Variants in NFIC observed in about 807,000 individuals in gnomAD.
The protein encoded by NFIC is nuclear factor 1 C-type.
NFIC carries 12 observed loss-of-function variants against 54.4 expected under a neutral mutation model. The observed-to-expected ratio is 0.22, with a 90% CI of 0.14 to 0.36. The LOEUF (loss-of-function observed/expected upper bound fraction) is 0.36. NFIC is among the 10% of genes least tolerant of loss of function. The pLI, the probability that NFIC is intolerant of heterozygous loss-of-function variation, is 1.00. For missense variants in NFIC, 575 were observed against 718.2 expected, an observed-to-expected ratio of 0.80 and a Z score of 2.28; for synonymous variants, 322 against 319.2, an observed-to-expected ratio of 1.01 and a Z score of -0.09.
Position 3,463,589 on chromosome 19 carries a change from GGGA to G in NFIC, c.*825_*827del, listed in dbSNP as rs1485275212. ...TTTCAGCCCTCGCGCCCGCCCGTTT[GGGA>G]GGAGAAGTCTCTATGCAATTGGCCC... On this transcript the variant is annotated 3_prime_UTR_variant, in exon 11 of 11. Coordinates refer to ENST00000443272, the MANE Select transcript of NFIC (RefSeq NM_001245002.2). 1.1e-5 allele frequency: 11 copies of G among 985,094 alleles called. No individual in the cohort carries two copies. The highest frequency in any genetic ancestry group is 4.7e-5 in the South Asian group (1 of 21,282). The allele number at this position is 985,094 out of a possible 1,614,324, so 61.0% of individuals were successfully genotyped here. A position where few individuals can be genotyped will look rare whatever the true frequency, so the allele number is the denominator to read the frequency against.
chr19:3,414,090 G>A (rs12975319), intron 2 of NFIC, among the ~76,000 whole-genome samples: 46,091 of 151,882 alleles, frequency 0.3, 7,164 homozygotes, highest in East Asian at 0.48. Context: ...AGTGATCAAA[G>A]GAAAGAACTA....
intron 2 of NFIC, among the ~76,000 whole-genome samples, chr19:3,424,022 ATTTAT>A (rs1207711295): frequency 1.3e-5 from 2 of 151,936 alleles, no homozygotes; most frequent in African/African-American, 4.8e-5. Flanking sequence ...ATTTTGTTTT[ATTTAT>A]TTTATTTTAT....
At position 3,464,168 on chromosome 19, in the gene NFIC, A is replaced by T. The variant is rs531992815; in HGVS notation, c.*1399A>T. On this transcript the variant is annotated 3_prime_UTR_variant, in exon 11 of 11. Coordinates refer to ENST00000443272, the MANE Select transcript of NFIC (RefSeq NM_001245002.2). ...AAGGGGGACCGCCGTTTGCACTTTC[A>T]TCGCCTACCCCGACGCGGGGCCCAG... 1 of 984,024 alleles carries T rather than the reference A, an allele frequency of 1.0e-6. No individual in the cohort carries two copies. The highest frequency in any genetic ancestry group is 4.7e-5 in the South Asian group (1 of 21,270). 61.0% of individuals were successfully genotyped at this position (984,024 alleles called of 1,614,324 possible).
intron 6 of NFIC, among the ~76,000 whole-genome samples, chr19:3,440,451 G>A (rs1257048561): frequency 6.7e-6 from 1 of 150,040 alleles, no homozygotes; most frequent in Non-Finnish European, 1.5e-5. Flanking sequence ...TTTTTGAGAC[G>A]GAATCTCTCT....
At chr19:3,451,757 G>A (rs1220171181) in intron 7 of NFIC, among the ~76,000 whole-genome samples, 3 of 151,060 alleles carry the variant, frequency 2.0e-5, no homozygotes, top group Non-Finnish European at 2.9e-5. Flanking sequence ...ATCTGATGCC[G>A]TGTGGCCCCA....
At chr19:3,367,893 A>AC (rs1047275486) in intron 1 of NFIC, among the ~76,000 whole-genome samples, 1 of 150,874 alleles carries the variant, frequency 6.6e-6, no homozygotes, top group Non-Finnish European at 1.5e-5. Context: ...GCAGTGAGGG[A>AC]CCCCCCACGC....
intron 2 of NFIC, among the ~76,000 whole-genome samples, chr19:3,409,380 C>T (rs936991052): frequency 6.6e-6 from 1 of 152,212 alleles, no homozygotes; most frequent in African/African-American, 2.4e-5. Context: ...CAACGCCGCC[C>T]CCAAAGCCAT....
At chr19:3,417,612 T>C (rs2081882168) in intron 2 of NFIC, among the ~76,000 whole-genome samples, 1 of 149,422 alleles carries the variant, frequency 6.7e-6, no homozygotes. Context: ...TATCTGTGCC[T>C]CTTTTTCTTT....
upstream of NFIC, chr19:3,366,535 G>GA (rs1491403133): frequency 1.4e-4 from 14 of 100,068 alleles, no homozygotes; most frequent in South Asian, 8.6e-4. Flanking sequence ...GCCGCGGGGC[G>GA]GGGGGGGGGG....
rs1412721895 is a variant in NFIC, at chr19:3,463,338, G to A, written c.*569G>A. 6.1e-6 allele frequency: 6 copies of A among 986,628 alleles called. No homozygotes were observed. Among genetic ancestry groups the A allele is most frequent in the African/African-American group, 3.5e-5 (2 of 57,228 alleles). 61.1% of individuals were successfully genotyped at this position (986,628 alleles called of 1,614,324 possible). On this transcript the variant is annotated 3_prime_UTR_variant, in exon 11 of 11. Coordinates refer to ENST00000443272, the MANE Select transcript of NFIC (RefSeq NM_001245002.2). Reference sequence around the variant, plus strand: ...CCACCGAGGACGCAGCCACTGGGGGGAAAGGGAGACACAGCGGACCCCGGC... The same window carrying A: ...CCACCGAGGACGCAGCCACTGGGGGAAAAGGGAGACACAGCGGACCCCGGC...
chr19:3,438,748 G>T (rs2145643694), intron 6 of NFIC, among the ~76,000 whole-genome samples: 1 of 152,230 alleles, frequency 6.6e-6, no homozygotes, highest in Non-Finnish European at 1.5e-5. Flanking sequence ...CCTCCTGAGG[G>T]TTTCATCCTC....
In NFIC at chr19:3,375,592, G is replaced by A. The variant is rs2145451370; in HGVS notation, c.31-6120G>A. Among the ~76,000 whole-genome samples, 1 of 152,342 alleles carries A rather than the reference G, an allele frequency of 6.6e-6. No homozygotes were observed. Among genetic ancestry groups the A allele is most frequent in the South Asian group, 2.1e-4 (1 of 4,828 alleles). ...CGGGGGCAGCGGAAAAGGGCCCTGA[G>A]GTCCGGTCCCCGCCGCAGCTGTTAC... On this transcript the variant is annotated intron_variant, in intron 1 of 10. Transcript: ENST00000443272. This position sits in a 1 kb window ranked among gnomAD's most constrained non-coding sequence, Gnocchi z 4.6.
At chr19:3,396,213 T>C (rs1374628502) in intron 2 of NFIC, among the ~76,000 whole-genome samples, 1 of 152,156 alleles carries the variant, frequency 6.6e-6, no homozygotes, top group Non-Finnish European at 1.5e-5. Context: ...GGCTCACGCC[T>C]ATAATCCCAG....
At chr19:3,390,232 C>A (rs2081356967) in intron 2 of NFIC, among the ~76,000 whole-genome samples, 1 of 152,246 alleles carries the variant, frequency 6.6e-6, no homozygotes. Flanking sequence ...CCTGTTATCC[C>A]CCAGGGCTGG....
chr19:3,412,048 A>G (rs538748238), intron 2 of NFIC, among the ~76,000 whole-genome samples: 47 of 152,292 alleles, frequency 3.1e-4, no homozygotes, highest in Middle Eastern at 3.4e-3. Context: ...TGTAATCGAC[A>G]TCGTATACAA....
chr19:3,403,332 C>T (rs901237306), intron 2 of NFIC, among the ~76,000 whole-genome samples: 2 of 152,226 alleles, frequency 1.3e-5, no homozygotes, highest in Non-Finnish European at 2.9e-5. Context: ...GTTCCGTTGT[C>T]CAACTGCGTG....
rs377582921 is a variant in NFIC at position 3,404,142 on chromosome 19, C to G, written c.563-20964C>G. 2.8e-3 allele frequency among the ~76,000 whole-genome samples: 433 copies of G among 152,274 alleles called. 1 individual carries two copies. The highest frequency in any genetic ancestry group is 3.6e-3 in the Non-Finnish European group (245 of 68,002). ...CCCCCCGAGGCCTGCCCTTCTCCCC[C>G]CCCCGTCACAGCCGCCGAGTCAGGC... On this transcript the variant is annotated intron_variant, in intron 2 of 10. Transcript: ENST00000443272.
intron 2 of NFIC, among the ~76,000 whole-genome samples, chr19:3,413,757 C>T (rs1015599607): frequency 4.5e-4 from 68 of 152,190 alleles, no homozygotes; most frequent in Non-Finnish European, 1.3e-4. Context: ...CCGTCTCAGC[C>T]TCCGGAGCAG....
chr19:3,435,303 C>T (rs2082183027), intron 6 of NFIC, 96 bp downstream of exon 6: 1 of 1,428,602 alleles, frequency 7.0e-7, no homozygotes, highest in Non-Finnish European at 9.2e-7. Context: ...CGCCGCGGGG[C>T]AGGAAGCCGG....
Sources: allele counts gnomAD v4.1 joint callset (sites outside exome capture counted in the v4.1 genomes callset), GRCh38; gene constraint gnomAD v4.1.1; non-coding constraint Gnocchi (gnomAD v3.1); transcripts MANE v1.5; gene names NCBI Gene and HGNC (gene_info 2026-07-23, HGNC 2026-07-21).